The following CPNE4 variants were observed in gnomAD, a reference collection of about 807,000 sequenced individuals.
CPNE4 encodes copine 4, also known as copine-4.
CPNE4 carries 25 observed loss-of-function variants against 67.9 expected under a neutral mutation model. The ratio of observed to expected loss-of-function variants is 0.37; its 90% CI spans 0.27 to 0.51. The LOEUF (loss-of-function observed/expected upper bound fraction) is 0.51, where lower values mean the gene tolerates loss of function less well. Ranked by LOEUF, CPNE4 falls within the 20% of genes least tolerant of loss-of-function variation. The pLI is 0.93. For missense variants in CPNE4, 464 were observed against 690.8 expected (o/e 0.67, Z 3.68); for synonymous variants, 242 against 244.9 (o/e 0.99, Z 0.11).
At chr3:131,694,009 G>A (rs2081092046) in intron 5 of CPNE4, among the ~76,000 whole-genome samples, 1 of 152,114 alleles carries the variant, frequency 6.6e-6, no homozygotes. Flanking sequence ...GGATTAGACA[G>A]TGGCTTTCTA....
intron 7 of CPNE4, among the ~76,000 whole-genome samples, chr3:131,658,623 T>C (rs1228349581): frequency 1.3e-5 from 2 of 152,186 alleles, no homozygotes; most frequent in African/African-American, 4.8e-5. Flanking sequence ...GTATAAACAC[T>C]GCAGACAGGT....
At chr3:131,833,153 T>A (rs951146687) in intron 2 of CPNE4, among the ~76,000 whole-genome samples, 9 of 152,162 alleles carry the variant, frequency 5.9e-5, no homozygotes, top group African/African-American at 1.9e-4. Flanking sequence ...CACCTTGACC[T>A]TAGATTTTCC....
intron 1 of CPNE4, among the ~76,000 whole-genome samples, chr3:132,022,038 C>A (rs769533877): frequency 2.0e-5 from 3 of 152,148 alleles, no homozygotes; most frequent in Admixed American, 6.5e-5. Flanking sequence ...TTATTCCACC[C>A]CATAGAAAAT....
At chr3:131,630,172 C>A (rs537081414) in intron 7 of CPNE4, among the ~76,000 whole-genome samples, 79 of 152,316 alleles carry the variant, frequency 5.2e-4, no homozygotes, top group South Asian at 1.2e-3. Flanking sequence ...ACGAATCATT[C>A]CCTTTGTCCA....
intron 1 of CPNE4, among the ~76,000 whole-genome samples, chr3:131,936,732 T>C (rs1206967676): frequency 6.6e-6 from 1 of 151,942 alleles, no homozygotes; most frequent in African/African-American, 2.4e-5. Context: ...CATTTTACCA[T>C]TAGCTTTAAA....
intron 2 of CPNE4, among the ~76,000 whole-genome samples, chr3:131,826,389 G>C (rs1030841417): frequency 1.3e-5 from 2 of 151,758 alleles, no homozygotes; most frequent in African/African-American, 4.8e-5. Context: ...GTAAAGATGG[G>C]GTCTCACTAT....
intron 1 of CPNE4, among the ~76,000 whole-genome samples, chr3:131,976,912 C>T (rs191313186): frequency 6.6e-6 from 1 of 151,984 alleles, no homozygotes; most frequent in African/African-American, 2.4e-5. Flanking sequence ...AGCGATTCTC[C>T]TGCCTCAGCC....
chr3:131,699,875 C>T (rs75841703), intron 4 of CPNE4, 34 bp downstream of exon 4: 5 of 1,587,904 alleles, frequency 3.1e-6, no homozygotes, highest in Non-Finnish European at 4.3e-6. Flanking sequence ...GCTCTCCACT[C>T]AGGCAGACAG....
At chr3:131,714,030 T>C (rs991129376) in intron 3 of CPNE4, among the ~76,000 whole-genome samples, 2 of 152,170 alleles carry the variant, frequency 1.3e-5, no homozygotes, top group Admixed American at 1.3e-4. Flanking sequence ...AAGGGCAAGC[T>C]TTGCATGTGA....
At chr3:131,930,226 A>T (rs2071017772) in intron 1 of CPNE4, among the ~76,000 whole-genome samples, 1 of 152,170 alleles carries the variant, frequency 6.6e-6, no homozygotes, top group Non-Finnish European at 1.5e-5. Flanking sequence ...AATTAGGATG[A>T]GTGTGATACA....
intron 7 of CPNE4, among the ~76,000 whole-genome samples, chr3:131,593,323 C>A (rs983493655): frequency 3.3e-5 from 5 of 151,978 alleles, no homozygotes; most frequent in Admixed American, 1.3e-4. Flanking sequence ...TTTGTGTATT[C>A]TTTGATTTCT....
Position 131,722,446 on chromosome 3 carries a change from C to CG in CPNE4, c.360+999_360+1000insC, listed in dbSNP as rs201342727. Reference sequence around the variant, plus strand: ...AAGTGGTCTCTTCCCACCCCATACCCCCCCACGTTTGTTCTGACCCCTATG... The same window carrying CG: ...AAGTGGTCTCTTCCCACCCCATACCCGCCCCACGTTTGTTCTGACCCCTATG... On this transcript the variant is annotated intron_variant, in intron 3 of 15. Coordinates refer to ENST00000429747, the MANE Select transcript of CPNE4 (RefSeq NM_130808.3). Among the ~76,000 whole-genome samples, 614 of 151,882 alleles carry CG rather than the reference C, an allele frequency of 4.0e-3. 5 individuals are homozygous for CG. Among genetic ancestry groups the CG allele is most frequent in the African/African-American group, 0.014 (568 of 41,416 alleles).
At chr3:131,970,034 G>T (rs2072460657) in intron 1 of CPNE4, among the ~76,000 whole-genome samples, 2 of 152,154 alleles carry the variant, frequency 1.3e-5, no homozygotes, top group Admixed American at 1.3e-4. Flanking sequence ...TTCCAGCTCT[G>T]TCCTCTTCCA....
At chr3:131,661,843 G>A (rs2080135571) in intron 7 of CPNE4, among the ~76,000 whole-genome samples, 2 of 152,078 alleles carry the variant, frequency 1.3e-5, no homozygotes, top group Non-Finnish European at 2.9e-5. Context: ...GTTCTTTGTT[G>A]CAGGTGTTTC....
chr3:131,657,596 G>A (rs1161407608), intron 7 of CPNE4, among the ~76,000 whole-genome samples: 2 of 146,658 alleles, frequency 1.4e-5, no homozygotes, highest in Non-Finnish European at 3.0e-5. Flanking sequence ...GAGCAGTGGT[G>A]TGATCTCGAC....
chr3:131,689,041 A>T (rs2080963556), intron 5 of CPNE4, among the ~76,000 whole-genome samples: 2 of 152,198 alleles, frequency 1.3e-5, no homozygotes, highest in African/African-American at 4.8e-5. Flanking sequence ...GCATACTAAA[A>T]TGTCAATGAA....
chr3:131,712,496 G>A (rs1157388661), intron 3 of CPNE4, among the ~76,000 whole-genome samples: 1 of 152,136 alleles, frequency 6.6e-6, no homozygotes, highest in South Asian at 2.1e-4. Flanking sequence ...TTCATAAGCA[G>A]TCTAAACCAA....
chr3:131,933,773 G>A (rs1208106834), intron 1 of CPNE4, among the ~76,000 whole-genome samples: 3 of 149,966 alleles, frequency 2.0e-5, no homozygotes, highest in African/African-American at 7.4e-5. Context: ...AGTGAAATAA[G>A]CCACGTACAG....
intron 7 of CPNE4, among the ~76,000 whole-genome samples, chr3:131,625,842 C>A (rs756258019): frequency 3.3e-5 from 5 of 152,172 alleles, no homozygotes; most frequent in Admixed American, 3.3e-4. Flanking sequence ...TTTGCAGCAA[C>A]CCTGTTTTGA....
Sources: gnomAD v4.1 joint callset for allele counts (sites outside exome capture counted in the v4.1 genomes callset) on GRCh38, gnomAD v4.1.1 for gene constraint, MANE v1.5 for transcripts, NCBI Gene and HGNC (gene_info 2026-07-23, HGNC 2026-07-21) for gene names.